VAMP7: variants seen among roughly 807,000 people sequenced by gnomAD.
The protein encoded by VAMP7 is vesicle-associated membrane protein 7.
Under a neutral mutation model 29.6 loss-of-function variants are expected in VAMP7, and 14 were observed. That is an observed-to-expected ratio of 0.47 (90% CI 0.31 to 0.74). The LOEUF is 0.74. Among genes scored for constraint, VAMP7 ranks in the 30% least tolerant of loss-of-function variants. The pLI is 0.05. For missense variants in VAMP7, 223 were observed against 262.4 expected, an observed-to-expected ratio of 0.85 and a Z score of 1.04; for synonymous variants, 95 against 88.1, an observed-to-expected ratio of 1.08 and a Z score of -0.44.
chrX:155,888,984 T>C (rs1602905685), intron 1 of VAMP7, among the ~76,000 whole-genome samples: 1 of 152,204 alleles, frequency 6.6e-6, no homozygotes, highest in Non-Finnish European at 1.5e-5. Flanking sequence ...ACCTGGCACA[T>C]AGTAAACAAT....
intron 3 of VAMP7, among the ~76,000 whole-genome samples, chrX:155,897,081 G>A (rs1324425468): frequency 6.6e-6 from 1 of 151,938 alleles, no homozygotes; most frequent in Non-Finnish European, 1.5e-5. Flanking sequence ...GATGGGTGTT[G>A]ACAGTATTTT....
At chrX:155,890,675 T>C (rs2065916431) in intron 2 of VAMP7, among the ~76,000 whole-genome samples, 1 of 152,164 alleles carries the variant, frequency 6.6e-6, no homozygotes. Flanking sequence ...AGTCAGTTTT[T>C]GCTTTAGAAA....
chrX:155,919,933 G>A, intron 6 of VAMP7, 53 bp downstream of exon 6: 2 of 1,370,618 alleles, frequency 1.5e-6, no homozygotes, highest in Admixed American at 1.9e-5. Context: ...AGAAACTATG[G>A]ATGATGGCTA....
chrX:155,902,080 T>G (rs1468055338), intron 5 of VAMP7, among the ~76,000 whole-genome samples: 1 of 152,192 alleles, frequency 6.6e-6, no homozygotes, highest in East Asian at 1.9e-4. Context: ...CTTGAAGTGG[T>G]CCTTCACATC....
At chrX:155,895,355 A>T (rs947001402) in intron 2 of VAMP7, among the ~76,000 whole-genome samples, 1 of 152,170 alleles carries the variant, frequency 6.6e-6, no homozygotes, top group African/African-American at 2.4e-5. Context: ...GAGTCCAATT[A>T]TGCTTTTGCA....
chrX:155,896,789 C>T (rs138564097), intron 3 of VAMP7, among the ~76,000 whole-genome samples: 450 of 152,252 alleles, frequency 3.0e-3, no homozygotes, highest in African/African-American at 0.01. Flanking sequence ...TTGGAATTGG[C>T]ATGGTTGCCA....
In VAMP7 at chrX:155,942,098, T is replaced by A. The variant is rs2066754010; in HGVS notation, c.*147T>A. On this transcript the variant is annotated 3_prime_UTR_variant, in exon 8 of 8. Transcript: ENST00000286448. The stretch of plus-strand genomic sequence containing the variant: ...ACTTTTTAAAATCTTGTTCCATGCC[T>A]CCAGGTTTATCTTTGTCTTATCTAC... 6.4e-7 allele frequency: 1 copy of A among 1,555,432 alleles called. No individual in the cohort carries two copies. The highest frequency in any genetic ancestry group is 1.9e-5 in the Admixed American group (1 of 51,296).
intron 5 of VAMP7, among the ~76,000 whole-genome samples, chrX:155,917,185 G>A (rs1293554580): frequency 1.3e-5 from 2 of 151,964 alleles, no homozygotes; most frequent in African/African-American, 2.4e-5. Flanking sequence ...CAAAGTTCTC[G>A]TGCCGTGTTT....
chrX:155,919,121 C>T lies in VAMP7; in HGVS notation c.434-692C>T, dbSNP rs1391538410. ...GAATGAGTAGGGAGAATTCCCTCCT[C>T]TTGAATTTTTTGGCATAGTTTGAGA... is the stretch of plus-strand genomic sequence containing the variant. On this transcript the variant is annotated intron_variant, in intron 5 of 7. Coordinates refer to ENST00000286448, the MANE Select transcript of VAMP7 (RefSeq NM_005638.6). 2.0e-5 allele frequency among the ~76,000 whole-genome samples: 3 copies of T among 152,034 alleles called. No individual in the cohort carries two copies. The East Asian group carries it at 5.8e-4, about 29-fold the overall frequency.
intron 6 of VAMP7, among the ~76,000 whole-genome samples, chrX:155,931,284 A>G (rs1293232333): frequency 6.6e-6 from 1 of 152,202 alleles, no homozygotes; most frequent in African/African-American, 2.4e-5. Context: ...AGGAATCGCC[A>G]CACTGTCTTT....
chrX:155,939,092 AC>A (rs1422749981), intron 6 of VAMP7, among the ~76,000 whole-genome samples: 3 of 152,114 alleles, frequency 2.0e-5, no homozygotes, highest in Non-Finnish European at 4.4e-5. Flanking sequence ...CATCTGTGGG[AC>A]CATACCAGAG....
At chrX:155,924,665 A>C (rs918139515) in intron 6 of VAMP7, among the ~76,000 whole-genome samples, 1 of 152,100 alleles carries the variant, frequency 6.6e-6, no homozygotes, top group African/African-American at 2.4e-5. Context: ...GGAGGGTCTC[A>C]CCTTGATGTT....
chrX:155,908,239 A>G (rs2066179265), intron 5 of VAMP7, among the ~76,000 whole-genome samples: 1 of 152,228 alleles, frequency 6.6e-6, no homozygotes, highest in South Asian at 2.1e-4. Flanking sequence ...GCGAGCCGAG[A>G]TCGCGCCACT....
intron 6 of VAMP7, among the ~76,000 whole-genome samples, chrX:155,929,955 C>T (rs1433162414): frequency 1.3e-5 from 2 of 152,136 alleles, no homozygotes; most frequent in Non-Finnish European, 2.9e-5. Context: ...ATTATACTCA[C>T]AGTTATGGTT....
At chrX:155,899,665 TCTGTGTAAAA>T (rs1281083611) in intron 4 of VAMP7, among the ~76,000 whole-genome samples, 1 of 151,998 alleles carries the variant, frequency 6.6e-6, no homozygotes, top group African/African-American at 2.4e-5. Context: ...GAAATGTTCA[TCTGTGTAAAA>T]CTGTGTAAAA....
At chrX:155,903,918 C>T (rs1410189585) in intron 5 of VAMP7, among the ~76,000 whole-genome samples, 24 of 152,054 alleles carry the variant, frequency 1.6e-4, no homozygotes, top group East Asian at 1.2e-3. Flanking sequence ...ATGTTTATAG[C>T]GGCAGTATTC....
intron 5 of VAMP7, among the ~76,000 whole-genome samples, chrX:155,909,157 A>G (rs1395759751): frequency 1.3e-5 from 2 of 152,074 alleles, no homozygotes. Flanking sequence ...TTTAGTCTCT[A>G]TGCTTGCTGT....
chrX:155,939,950 T>C (rs1320936896), intron 7 of VAMP7, among the ~76,000 whole-genome samples, 157 bp downstream of exon 7: 1 of 152,086 alleles, frequency 6.6e-6, no homozygotes, highest in African/African-American at 2.4e-5. Context: ...ATGAAGTCAC[T>C]ATGAAATATC....
intron 2 of VAMP7, among the ~76,000 whole-genome samples, chrX:155,890,150 A>G (rs1366282435): frequency 2.6e-5 from 4 of 151,948 alleles, no homozygotes; most frequent in Admixed American, 1.3e-4. Flanking sequence ...GAGGCATGAG[A>G]TCATAGGGCG....
Sources: gnomAD v4.1 joint callset for allele counts (sites outside exome capture counted in the v4.1 genomes callset) on GRCh38, gnomAD v4.1.1 for gene constraint, MANE v1.5 for transcripts, NCBI Gene and HGNC (gene_info 2026-07-23, HGNC 2026-07-21) for gene names.